Variants in DEPTOR observed in about 807,000 individuals in gnomAD.
DEPTOR encodes the protein DEP domain-containing mTOR-interacting protein.
A neutral mutation model predicts 41.6 loss-of-function variants in DEPTOR; 41 were observed. That is an observed-to-expected ratio of 0.98 (90% CI 0.77 to 1.28). The LOEUF (loss-of-function observed/expected upper bound fraction) is 1.28. Among genes scored for constraint, DEPTOR ranks in the 50% most tolerant of loss-of-function variants. The probability of loss-of-function intolerance (pLI) is 0.00; values close to 1 mark genes in which losing one functional copy is unlikely to be tolerated. For missense variants in DEPTOR, 514 were observed against 527.9 expected, an observed-to-expected ratio of 0.97 and a Z score of 0.26; for synonymous variants, 195 against 192.3, an observed-to-expected ratio of 1.01 and a Z score of -0.12.
chr8:119,905,525 C>A (rs377151638), intron 1 of DEPTOR, among the ~76,000 whole-genome samples: 7 of 152,184 alleles, frequency 4.6e-5, no homozygotes, highest in African/African-American at 1.7e-4. Context: ...TTGAAATAGT[C>A]CTGTCGTCTA....
At chr8:120,003,670 G>A (rs1812390908) in intron 6 of DEPTOR, among the ~76,000 whole-genome samples, 1 of 152,222 alleles carries the variant, frequency 6.6e-6, no homozygotes, top group African/African-American at 2.4e-5. Context: ...AAGCATGGAT[G>A]TGTGCAAACC....
intron 8 of DEPTOR, among the ~76,000 whole-genome samples, chr8:120,009,984 C>T (rs939882842): frequency 4.6e-5 from 7 of 152,080 alleles, no homozygotes; most frequent in Non-Finnish European, 1.0e-4. Flanking sequence ...AGGTGTATTC[C>T]TGTGGGGTTT....
chr8:119,954,840 ATAT>A (rs1333932397), intron 3 of DEPTOR, among the ~76,000 whole-genome samples: 7 of 118,164 alleles, frequency 5.9e-5, no homozygotes, highest in Non-Finnish European at 1.2e-4. Flanking sequence ...CAGCAGGCAA[ATAT>A]TGGTGTGTGT....
intron 4 of DEPTOR, among the ~76,000 whole-genome samples, chr8:119,982,866 T>G (rs1013319800): frequency 6.6e-6 from 1 of 152,212 alleles, no homozygotes; most frequent in Non-Finnish European, 1.5e-5. Context: ...CTGTGTCACA[T>G]GGTCACCCCA....
At chr8:120,002,791 A>AAAAAATATATATATAT in intron 5 of DEPTOR, among the ~76,000 whole-genome samples, 186 bp from the exon 6 acceptor site, 66 of 60,626 alleles carry the variant, frequency 1.1e-3, no homozygotes, top group African/African-American at 3.2e-3. Flanking sequence ...AAAAAAAAAA[A>AAAAAATATATATATAT]ATATATATAT....
intron 8 of DEPTOR, among the ~76,000 whole-genome samples, chr8:120,036,722 C>CA (rs1334643568): frequency 7.8e-4 from 119 of 152,282 alleles, no homozygotes; most frequent in Non-Finnish European, 1.6e-4. Context: ...TTCCTAGATA[C>CA]AAGCCAATCT....
chr8:119,974,885 C>A (rs1243932905), intron 4 of DEPTOR, among the ~76,000 whole-genome samples: 2 of 149,080 alleles, frequency 1.3e-5, no homozygotes. Flanking sequence ...CAGAAAAAGA[C>A]CTTATACAAA....
intron 2 of DEPTOR, among the ~76,000 whole-genome samples, chr8:119,929,373 C>T (rs1264975118): frequency 1.3e-5 from 2 of 152,114 alleles, no homozygotes; most frequent in Non-Finnish European, 2.9e-5. Context: ...GCACTGGGTA[C>T]TCTTCCTTTG....
chr8:119,892,900 A>T (rs1319828150), intron 1 of DEPTOR, among the ~76,000 whole-genome samples: 2 of 151,696 alleles, frequency 1.3e-5, no homozygotes, highest in African/African-American at 4.8e-5. Context: ...CTCCTGCCTC[A>T]GTCCCCTTAG....
chr8:119,882,859 G>A (rs1827316258), intron 1 of DEPTOR, among the ~76,000 whole-genome samples: 3 of 152,204 alleles, frequency 2.0e-5, no homozygotes, highest in East Asian at 3.9e-4. Context: ...ATACTTTTCC[G>A]TGTTCCATTA....
At chr8:119,929,673 G>A in intron 2 of DEPTOR, 142 bp from the exon 3 acceptor site, 3 of 1,124,922 alleles carry the variant, frequency 2.7e-6, no homozygotes, top group Non-Finnish European at 3.7e-6. Flanking sequence ...TATTTTACAA[G>A]TATTAGCTCA....
At position 120,009,085 on chromosome 8, in the gene DEPTOR, C is replaced by T. The variant is rs1485801379; in HGVS notation, c.1053C>T (p.His351=). The change falls in exon 8 of 9, where the codon CAC becomes CAT. Residue 351 remains histidine (H), a synonymous_variant. Transcript: ENST00000286234. The stretch of plus-strand genomic sequence containing the variant: ...TGGTGCGAGGAAGTAAGCCATGCCA[C>T]ATCCAGGCTGTAGACCCCAGTGGCC... The part of the protein sequence containing the change: ...GFVVRGSKPC[H]IQAVDPSGPA... The T allele has an allele frequency of 3.1e-6, 5 of 1,614,088 alleles. No individual in the cohort carries two copies. Among genetic ancestry groups the T allele is most frequent in the Non-Finnish European group, 4.2e-6 (5 of 1,180,014 alleles).
At chr8:119,925,504 C>T (rs1414317224) in intron 1 of DEPTOR, among the ~76,000 whole-genome samples, 4 of 152,170 alleles carry the variant, frequency 2.6e-5, no homozygotes, top group Admixed American at 1.3e-4. Context: ...GAAAACTGCC[C>T]CATGATTCAA....
chr8:119,898,038 G>A (rs755768478), intron 1 of DEPTOR, among the ~76,000 whole-genome samples: 2 of 152,096 alleles, frequency 1.3e-5, no homozygotes, highest in African/African-American at 2.4e-5. Flanking sequence ...AATTATAGAT[G>A]CCAATGTGAG....
rs547234656 is a variant in DEPTOR at position 119,916,237 on chromosome 8, T to TTACAG, written c.123-12162_123-12158dup. The stretch of plus-strand genomic sequence containing the variant: ...GCCTTAGTCTCCCGAGTAGCTGGGA[T>TTACAG]TACAGGCACATGCCACCAGGCTAGG... On this transcript the variant is annotated intron_variant, in intron 1 of 8. Coordinates refer to ENST00000286234, the MANE Select transcript of DEPTOR (RefSeq NM_022783.4). 2.5e-3 allele frequency among the ~76,000 whole-genome samples: 370 copies of TTACAG among 150,690 alleles called. 3 individuals are homozygous for TTACAG. The highest frequency in any genetic ancestry group is 7.6e-3 in the African/African-American group (311 of 40,974).
intron 4 of DEPTOR, among the ~76,000 whole-genome samples, chr8:119,996,763 T>C (rs1375808450): frequency 6.6e-6 from 1 of 152,238 alleles, no homozygotes; most frequent in Non-Finnish European, 1.5e-5. Context: ...CAATATTTTA[T>C]GTAATTCACT....
chr8:119,897,361 T>G (rs1156882380), intron 1 of DEPTOR, among the ~76,000 whole-genome samples: 1 of 152,034 alleles, frequency 6.6e-6, no homozygotes, highest in Non-Finnish European at 1.5e-5. Context: ...GGTGAAACCC[T>G]GTCTCTACTA....
At chr8:120,018,467 T>A (rs1973732) in intron 8 of DEPTOR, among the ~76,000 whole-genome samples, 1 of 151,830 alleles carries the variant, frequency 6.6e-6, no homozygotes, top group Non-Finnish European at 1.5e-5. Context: ...CAATCCCAGC[T>A]ACTAGGGAGG....
intron 1 of DEPTOR, among the ~76,000 whole-genome samples, chr8:119,921,305 T>C (rs1827890484): frequency 6.6e-6 from 1 of 152,216 alleles, no homozygotes; most frequent in Non-Finnish European, 1.5e-5. Flanking sequence ...ATTAGTGTCC[T>C]TATACATTCA....
Sources: gnomAD v4.1 joint callset for allele counts (sites outside exome capture counted in the v4.1 genomes callset) on GRCh38, gnomAD v4.1.1 for gene constraint, MANE v1.5 for transcripts, NCBI Gene and HGNC (gene_info 2026-07-23, HGNC 2026-07-21) for gene names.